The following MOXD1 variants were observed in gnomAD, a reference collection of about 807,000 sequenced individuals.
MOXD1 encodes monooxygenase DBH like 1, also known as DBH-like monooxygenase protein 1.
In MOXD1, 62 loss-of-function variants were observed where a neutral mutation model predicts 66.6. That is an observed-to-expected ratio of 0.93 (90% confidence interval 0.76 to 1.15). The LOEUF is 1.15. MOXD1 is among the 50% of genes most tolerant of loss of function. The pLI is 0.00. For synonymous variants in MOXD1, 303 were observed against 281.9 expected (o/e 1.07, Z -0.75); for missense variants, 847 against 754.6 (o/e 1.12, Z -1.44).
At position 132,374,666 on chromosome 6, in the gene MOXD1, G is replaced by T. The variant is rs769723338; in HGVS notation, c.376C>A (p.Leu126Met). Residue 126 changes from leucine to methionine, a missense_variant, in exon 2 of 12, where the codon CTG becomes ATG. Coordinates refer to ENST00000367963, the MANE Select transcript of MOXD1 (RefSeq NM_015529.4). ...THTIIEFTRE[L>M]HTCDINDKSI... The stretch of plus-strand genomic sequence containing the variant: ...TTGTCATTTATGTCACATGTATGCA[G>T]CTCTCTGGTAAATTCAATTATTGTG... The T allele has an allele frequency of 2.1e-5, 34 of 1,613,774 alleles. No homozygotes were observed. The highest frequency in any genetic ancestry group is 1.6e-4 in the Middle Eastern group (1 of 6,084).
intron 1 of MOXD1, among the ~76,000 whole-genome samples, chr6:132,393,145 GGAGT>G (rs1242105904): frequency 7.6e-6 from 1 of 131,340 alleles, no homozygotes. Flanking sequence ...CCTTGTGAGT[GGAGT>G]GAGTGTGTGT....
chr6:132,362,770 C>T (rs570116545), intron 4 of MOXD1, among the ~76,000 whole-genome samples: 6 of 152,252 alleles, frequency 3.9e-5, no homozygotes, highest in East Asian at 3.9e-4. Flanking sequence ...CAAGACGTGT[C>T]CAATAAGATT....
chr6:132,375,480 A>G (rs1353179787), intron 1 of MOXD1, among the ~76,000 whole-genome samples: 1 of 152,122 alleles, frequency 6.6e-6, no homozygotes, highest in Non-Finnish European at 1.5e-5. Flanking sequence ...GCTGGAGTGC[A>G]ATGGCATGAC....
At chr6:132,363,548 G>T (rs983634967) in intron 4 of MOXD1, among the ~76,000 whole-genome samples, 2 of 152,044 alleles carry the variant, frequency 1.3e-5, no homozygotes, top group Non-Finnish European at 2.9e-5. Context: ...GAAGTAGAAG[G>T]CTAGCAAAAT....
At chr6:132,385,678 T>A (rs1776615684) in intron 1 of MOXD1, among the ~76,000 whole-genome samples, 1 of 151,748 alleles carries the variant, frequency 6.6e-6, no homozygotes, top group African/African-American at 2.4e-5. Context: ...GAGGCAGGGT[T>A]TCACCATGTT....
chr6:132,369,060 G>A (rs539515241), intron 4 of MOXD1, among the ~76,000 whole-genome samples: 3 of 152,094 alleles, frequency 2.0e-5, no homozygotes, highest in South Asian at 4.2e-4. Context: ...CCTGTGATGC[G>A]AGATGATACA....
rs1306974766 is a variant in MOXD1 at position 132,349,436 on chromosome 6, C to CAT, written c.664-20844_664-20843dup. Among the ~76,000 whole-genome samples the CAT allele has an allele frequency of 6.3e-4, 11 of 17,326 alleles. 3 individuals carry two copies. Among genetic ancestry groups the CAT allele is most frequent in the East Asian group, 2.9e-3 (2 of 686 alleles). The allele number at this position is 17,326 out of a possible 152,430, so 11.4% of individuals were successfully genotyped here. On this transcript the variant is annotated intron_variant, in intron 4 of 11. Coordinates refer to ENST00000367963, the MANE Select transcript of MOXD1 (RefSeq NM_015529.4). ...ATATATATATACATATATATATATA[C>CAT]ATATATATATATATACATATATATA...
intron 4 of MOXD1, among the ~76,000 whole-genome samples, chr6:132,349,443 A>G (rs1775750518): frequency 3.5e-5 from 2 of 57,180 alleles, no homozygotes; most frequent in African/African-American, 1.4e-4. Context: ...ATACATATAT[A>G]TATATATACA....
At chr6:132,315,537 T>C in intron 10 of MOXD1, 98 bp downstream of exon 10, 6 of 1,345,012 alleles carry the variant, frequency 4.5e-6, no homozygotes, top group Non-Finnish European at 5.1e-6. Context: ...AAACAGTGCA[T>C]AAAAATTTCT....
At chr6:132,349,543 T>C (rs1288992714) in intron 4 of MOXD1, among the ~76,000 whole-genome samples, 1 of 148,154 alleles carries the variant, frequency 6.7e-6, no homozygotes, top group Non-Finnish European at 1.5e-5. Context: ...TTGGGTTGGA[T>C]CCATGATTTT....
intron 1 of MOXD1, among the ~76,000 whole-genome samples, chr6:132,397,690 G>GA (rs1333774509): frequency 2.5e-5 from 3 of 121,990 alleles, no homozygotes; most frequent in Non-Finnish European, 5.4e-5. Context: ...AAGAAAGAAA[G>GA]AAAGAAAGAA....
intron 4 of MOXD1, among the ~76,000 whole-genome samples, chr6:132,348,741 G>A (rs1239856767): frequency 6.6e-6 from 1 of 152,124 alleles, no homozygotes; most frequent in Non-Finnish European, 1.5e-5. Context: ...TCAGGAATGT[G>A]GCCAATCTCT....
At chr6:132,322,126 A>G (rs1226706565) in intron 8 of MOXD1, among the ~76,000 whole-genome samples, 1 of 152,252 alleles carries the variant, frequency 6.6e-6, no homozygotes, top group African/African-American at 2.4e-5. Context: ...GAGAAAACAA[A>G]GCATTATAAC....
intron 4 of MOXD1, among the ~76,000 whole-genome samples, chr6:132,343,780 G>T (rs553135262): frequency 6.6e-6 from 1 of 151,736 alleles, no homozygotes; most frequent in Non-Finnish European, 1.5e-5. Context: ...GCATAAAACC[G>T]GAAATAATTT....
chr6:132,363,238 A>C (rs34390977), intron 4 of MOXD1, among the ~76,000 whole-genome samples: 4 of 151,258 alleles, frequency 2.6e-5, no homozygotes, highest in African/African-American at 7.3e-5. Context: ...AAAAAAACCA[A>C]AGAGACTCAA....
In MOXD1 at chr6:132,324,079, C is replaced by T. The variant is rs1482428096; in HGVS notation, c.965G>A (p.Gly322Glu). ...ATCCATTGTGTAAAATAACCTCAGT[C>T]CAGAATTATCTATTAAGCCTAGAAC... ...TYEEGLIDNSGLRLFYTMDIR... is the reference protein window; with the variant it reads ...TYEEGLIDNSELRLFYTMDIR... Residue 322 changes from glycine to glutamate, a missense_variant, in exon 7 of 12, where the codon GGA becomes GAA. Physicochemically the swap from Gly to Glu is moderately conservative, Grantham distance 98. Transcript: ENST00000367963. The T allele has an allele frequency of 1.9e-6, 3 of 1,613,064 alleles. No homozygotes were observed. The East Asian group carries it at 6.7e-5, about 36-fold the overall frequency.
intron 6 of MOXD1, among the ~76,000 whole-genome samples, chr6:132,325,397 G>T (rs1334988066): frequency 2.0e-5 from 3 of 152,318 alleles, no homozygotes; most frequent in East Asian, 3.9e-4. Flanking sequence ...TGATGATATT[G>T]AATGGTGAGA....
At chr6:132,306,079 C>A (rs1348784003) in intron 10 of MOXD1, among the ~76,000 whole-genome samples, 1 of 152,080 alleles carries the variant, frequency 6.6e-6, no homozygotes, top group Non-Finnish European at 1.5e-5. Flanking sequence ...GCTAAAGAAG[C>A]ATGTTCTAAC....
intron 4 of MOXD1, among the ~76,000 whole-genome samples, chr6:132,367,271 T>C (rs1292202408): frequency 6.6e-6 from 1 of 152,090 alleles, no homozygotes; most frequent in African/African-American, 2.4e-5. Flanking sequence ...AACAAGATGA[T>C]CAACAGATTA....
Sources: allele counts gnomAD v4.1 joint callset (sites outside exome capture counted in the v4.1 genomes callset), GRCh38; gene constraint gnomAD v4.1.1; transcripts MANE v1.5; gene names NCBI Gene and HGNC (gene_info 2026-07-23, HGNC 2026-07-21).